The following KANSL1L variants were observed in gnomAD, a reference collection of about 807,000 sequenced individuals.
KANSL1L encodes KAT8 regulatory NSL complex subunit 1 like.
A neutral mutation model predicts 108.6 loss-of-function variants in KANSL1L; 25 were observed. The ratio of observed to expected loss-of-function variants is 0.23; its 90% CI spans 0.17 to 0.32. KANSL1L has a LOEUF of 0.32. KANSL1L is among the 10% of genes least tolerant of loss of function. The pLI is 1.00. For missense variants in KANSL1L, 1,137 were observed against 1,125.7 expected, an observed-to-expected ratio of 1.01 and a Z score of -0.14; for synonymous variants, 405 against 395.1, an observed-to-expected ratio of 1.03 and a Z score of -0.30.
Position 210,071,476 on chromosome 2 carries a change from C to T in KANSL1L, c.1755+4076G>A, listed in dbSNP as rs528062581. 1.5e-4 allele frequency among the ~76,000 whole-genome samples: 23 copies of T among 152,058 alleles called. 1 individual carries two copies. The highest frequency in any genetic ancestry group is 5.5e-4 in the African/African-American group (23 of 41,504). On this transcript the variant is annotated intron_variant, in intron 6 of 14. Coordinates refer to ENST00000281772, the MANE Select transcript of KANSL1L (RefSeq NM_152519.4). ...TAGAGACGGGATTTTGCCATGTTGG[C>T]CAGGCTGGTTTCAAACTCCTGACCT...
rs780283997 is a variant in KANSL1L at position 210,023,119 on chromosome 2, A to G, written c.2794T>C (p.Cys932Arg). The change falls in exon 15 of 15, where the codon TGT becomes CGT. Residue 932 changes from cysteine to arginine, a missense_variant. By Grantham distance (180) the Cys-to-Arg change is radical. Around this residue, in one of 3 missense-constraint regions of KANSL1L, gnomAD observed 575 missense variants for 567.1 expected, o/e 1.01. Transcript: ENST00000281772. ...ACCTGATCCTTTTTTTCATCTTGACATAATAAGGCTGCCATGTCTTCACCC... is the reference window on the plus strand; with the variant it reads ...ACCTGATCCTTTTTTTCATCTTGACGTAATAAGGCTGCCATGTCTTCACCC... Reference protein sequence around the residue: ...LKGEDMAALLCQDEKKDQVER... With the variant: ...LKGEDMAALLRQDEKKDQVER... 2 of 1,613,998 alleles carry G rather than the reference A, an allele frequency of 1.2e-6. No homozygotes were observed. The highest frequency in any genetic ancestry group is 1.1e-5 in the South Asian group (1 of 91,064).
chr2:210,133,536 T>C (rs2095146131), intron 2 of KANSL1L, among the ~76,000 whole-genome samples: 2 of 152,128 alleles, frequency 1.3e-5, no homozygotes, highest in Admixed American at 6.6e-5. Flanking sequence ...ATTGTTTTCA[T>C]GTTTTATATT....
intron 1 of KANSL1L, among the ~76,000 whole-genome samples, chr2:210,158,816 TTTTAGC>T (rs1321351944): frequency 7.9e-5 from 12 of 152,178 alleles, no homozygotes; most frequent in Non-Finnish European, 1.8e-4. Flanking sequence ...TTCAGTATAG[TTTTAGC>T]ACAAAATATA....
chr2:210,055,838 C>A lies in KANSL1L; in HGVS notation c.1756-11734G>T, dbSNP rs1219673965. ...GCATAAAAGTTTGGAAAATTTGCAG[C>A]CTGACAATGCAGTAGAAAAGAAAAA... On this transcript the variant is annotated intron_variant, in intron 6 of 14. Transcript: ENST00000281772. Among the ~76,000 whole-genome samples, 17 of 152,142 alleles carry A rather than the reference C, an allele frequency of 1.1e-4. 2 individuals are homozygous for A. The highest frequency in any genetic ancestry group is 1.0e-3 in the Admixed American group (16 of 15,274).
chr2:210,171,692 C>G (rs1485714294), upstream of KANSL1L: 1 of 152,042 alleles, frequency 6.6e-6, no homozygotes, highest in Admixed American at 6.5e-5. Flanking sequence ...AGACTTCCCA[C>G]CCCTGCTTTG....
rs758906097 is a variant in KANSL1L at position 210,025,109 on chromosome 2, G to C, written c.2559C>G (p.Asn853Lys). Residue 853 changes from asparagine (N) to lysine (K), a missense_variant, in exon 13 of 15, where the codon AAC (asparagine) becomes AAG (lysine). Physicochemically the swap from Asn to Lys is moderately conservative, Grantham distance 94 (BLOSUM62 0). Around this residue, in one of 3 missense-constraint regions of KANSL1L, gnomAD observed 575 missense variants for 567.1 expected, o/e 1.01. Coordinates refer to ENST00000281772, the MANE Select transcript of KANSL1L (RefSeq NM_152519.4). ...LWEQSKWHRR[N>K]SRAYSKNVEG... ...GTTTTAAATTTGTAACCTGCCTGCT[G>C]TTTCTTCTGTGCCACTTGCTTTGCT... 1 of 1,598,930 alleles carries C rather than the reference G, an allele frequency of 6.3e-7. No homozygotes were observed. Among genetic ancestry groups the C allele is most frequent in the South Asian group, 1.1e-5 (1 of 90,760 alleles).
In KANSL1L at chr2:210,081,902, C is replaced by T. The variant is rs116116384; in HGVS notation, c.1551-6146G>A. Reference sequence around the variant, plus strand: ...ATATATTTCCACTGCCTTGAAGTTTCCTTCTAAATCTGACTCTTTGGTTTA... The same window carrying T: ...ATATATTTCCACTGCCTTGAAGTTTTCTTCTAAATCTGACTCTTTGGTTTA... On this transcript the variant is annotated intron_variant, in intron 5 of 14. Coordinates refer to ENST00000281772, the MANE Select transcript of KANSL1L (RefSeq NM_152519.4). 8.3e-3 allele frequency among the ~76,000 whole-genome samples: 1,258 copies of T among 152,284 alleles called. 10 individuals are homozygous for T. Among genetic ancestry groups the T allele is most frequent in the Non-Finnish European group, 0.012 (847 of 68,012 alleles).
intron 11 of KANSL1L, chr2:210,028,316 C>T (rs1172470304): frequency 6.6e-6 from 1 of 152,364 alleles, no homozygotes; most frequent in East Asian, 1.9e-4. Context: ...ACCTTCTCCA[C>T]CTTCCCATTC....
At chr2:210,045,184 C>A (rs1354025231) in intron 6 of KANSL1L, among the ~76,000 whole-genome samples, 1 of 151,982 alleles carries the variant, frequency 6.6e-6, no homozygotes, top group African/African-American at 2.4e-5. Flanking sequence ...GACTTGTTCA[C>A]TTTCTATATT....
At chr2:210,142,274 A>G (rs1284729402) in intron 2 of KANSL1L, among the ~76,000 whole-genome samples, 1 of 151,966 alleles carries the variant, frequency 6.6e-6, no homozygotes, top group African/African-American at 2.4e-5. Flanking sequence ...AGGTTATCCA[A>G]TTTGTTGGCA....
intron 5 of KANSL1L, among the ~76,000 whole-genome samples, chr2:210,077,032 AC>A: frequency 6.6e-6 from 1 of 152,326 alleles, no homozygotes; most frequent in South Asian, 2.1e-4. Flanking sequence ...ATTTATGGCT[AC>A]TATAAAATAT....
At chr2:210,042,748 A>G (rs988218214) in intron 7 of KANSL1L, among the ~76,000 whole-genome samples, 6 of 152,212 alleles carry the variant, frequency 3.9e-5, no homozygotes, top group African/African-American at 1.4e-4. Flanking sequence ...TTATTATTTT[A>G]TCATATTATT....
At position 210,027,743 on chromosome 2, in the gene KANSL1L, G is replaced by A. The variant is rs1473163432; in HGVS notation, c.2397-393C>T. 2.6e-5 allele frequency among the ~76,000 whole-genome samples: 4 copies of A among 152,200 alleles called. No individual in the cohort carries two copies. In the East Asian group the frequency reaches 7.7e-4, roughly 29 times the overall value. ...CATAGCCCCTTTTGAGCCATCAGTAGTTTAATAACTGGCTCACAGAAGTCT... is the reference window on the plus strand; with the variant it reads ...CATAGCCCCTTTTGAGCCATCAGTAATTTAATAACTGGCTCACAGAAGTCT... On this transcript the variant is annotated intron_variant, in intron 11 of 14. Coordinates refer to ENST00000281772, the MANE Select transcript of KANSL1L (RefSeq NM_152519.4).
intron 7 of KANSL1L, among the ~76,000 whole-genome samples, chr2:210,042,364 T>A (rs2094174302): frequency 6.6e-6 from 1 of 152,210 alleles, no homozygotes; most frequent in African/African-American, 2.4e-5. Flanking sequence ...CATGAAATAG[T>A]AGATAAACAA....
chr2:210,158,999 G>T (rs774596786), intron 1 of KANSL1L, among the ~76,000 whole-genome samples: 1 of 152,050 alleles, frequency 6.6e-6, no homozygotes, highest in African/African-American at 2.4e-5. Context: ...TTGGATTTTT[G>T]AACAGTTTTG....
At chr2:210,144,039 G>A (rs926245087) in intron 2 of KANSL1L, among the ~76,000 whole-genome samples, 2 of 152,038 alleles carry the variant, frequency 1.3e-5, no homozygotes, top group Admixed American at 1.3e-4. Flanking sequence ...CTCAGATTTT[G>A]TATGTCTGGA....
rs1179881335 is a variant in KANSL1L, at chr2:210,031,449, C to T, written c.2127G>A (p.Lys709=). Residue 709 remains lysine (K), a synonymous_variant, in exon 9 of 15, where the codon AAG becomes AAA. Transcript: ENST00000281772. The stretch of plus-strand genomic sequence containing the variant: ...ATGCTGTTTCACTCAAATGTCTTTT[C>T]TTTCTTCCCTGTAACAGTTGTGCAG... ...ESSAQLLQGR[K]KRHLSETALG... 1 of 1,601,328 alleles carries T rather than the reference C, an allele frequency of 6.2e-7. No homozygotes were observed. Among genetic ancestry groups the T allele is most frequent in the South Asian group, 1.1e-5 (1 of 90,362 alleles).
chr2:210,119,159 G>A (rs1339803778), intron 3 of KANSL1L, among the ~76,000 whole-genome samples: 2 of 151,736 alleles, frequency 1.3e-5, no homozygotes, highest in African/African-American at 4.8e-5. Flanking sequence ...ACTCCAGCCT[G>A]GTGACAGAGC....
chr2:210,054,690 A>G (rs1052062398), intron 6 of KANSL1L, among the ~76,000 whole-genome samples: 17 of 152,150 alleles, frequency 1.1e-4, no homozygotes, highest in Non-Finnish European at 1.9e-4. Flanking sequence ...ACTGATATTC[A>G]ACATTGCACT....
Sources: gnomAD v4.1 joint callset for allele counts (sites outside exome capture counted in the v4.1 genomes callset) on GRCh38, gnomAD v4.1.1 for gene constraint, gnomAD v4.1.1 regional missense constraint, MANE v1.5 for transcripts, NCBI Gene and HGNC (gene_info 2026-07-23, HGNC 2026-07-21) for gene names.